Variants in SRBD1 observed in about 807,000 individuals in gnomAD.
SRBD1 encodes S1 RNA binding domain 1, also known as S1 RNA-binding domain-containing protein 1.
Under a neutral mutation model 115.3 loss-of-function variants are expected in SRBD1, and 88 were observed. The observed-to-expected ratio is 0.76, with a 90% CI of 0.64 to 0.91. SRBD1 has a LOEUF of 0.91. SRBD1 is among the 40% of genes least tolerant of loss of function. The pLI is 0.00. For missense variants in SRBD1, 1,385 were observed against 1,177.4 expected (o/e 1.18, Z -2.58); for synonymous variants, 509 against 407.7 (o/e 1.25, Z -2.99).
At chr2:45,467,280 C>T (rs1669518807) in intron 16 of SRBD1, among the ~76,000 whole-genome samples, 1 of 152,182 alleles carries the variant, frequency 6.6e-6, no homozygotes. Context: ...CACCCCCAGA[C>T]CAATTAAACT....
chr2:45,506,927 T>C (rs1020415676), intron 14 of SRBD1, among the ~76,000 whole-genome samples: 2 of 152,210 alleles, frequency 1.3e-5, no homozygotes, highest in Non-Finnish European at 2.9e-5. Context: ...CTGTCTTTTT[T>C]CCCACACACT....
intron 16 of SRBD1, among the ~76,000 whole-genome samples, chr2:45,422,969 T>C (rs1668049847): frequency 6.6e-6 from 1 of 152,144 alleles, no homozygotes; most frequent in Admixed American, 6.5e-5. Flanking sequence ...GAAGTGTTGA[T>C]AGTGACAAAA....
chr2:45,609,352 T>A (rs1179259708), intron 1 of SRBD1, among the ~76,000 whole-genome samples: 1 of 152,192 alleles, frequency 6.6e-6, no homozygotes, highest in Non-Finnish European at 1.5e-5. Context: ...GTCTTGAATC[T>A]CCACGATCTT....
intron 16 of SRBD1, among the ~76,000 whole-genome samples, chr2:45,470,694 G>A (rs1446163254): frequency 6.6e-6 from 1 of 152,160 alleles, no homozygotes; most frequent in Non-Finnish European, 1.5e-5. Context: ...ACTCAACAGA[G>A]CCAAACCTGC....
intron 14 of SRBD1, among the ~76,000 whole-genome samples, chr2:45,525,014 G>T (rs1671398582): frequency 6.6e-6 from 1 of 151,864 alleles, no homozygotes; most frequent in South Asian, 2.1e-4. Flanking sequence ...ATTAGGACAG[G>T]GTTCTAAGAT....
At chr2:45,535,256 G>T (rs1425280727) in intron 14 of SRBD1, among the ~76,000 whole-genome samples, 1 of 151,864 alleles carries the variant, frequency 6.6e-6, no homozygotes, top group Non-Finnish European at 1.5e-5. Flanking sequence ...TGTCCATAAG[G>T]GTATTAAGAG....
At chr2:45,505,855 C>G (rs1670781198) in intron 14 of SRBD1, among the ~76,000 whole-genome samples, 1 of 152,166 alleles carries the variant, frequency 6.6e-6, no homozygotes, top group South Asian at 2.1e-4. Context: ...ACTGTTAGGT[C>G]AGACTTCTTT....
intron 19 of SRBD1, among the ~76,000 whole-genome samples, chr2:45,394,393 C>G (rs1031002561): frequency 6.6e-6 from 1 of 152,166 alleles, no homozygotes; most frequent in East Asian, 1.9e-4. Context: ...AGTTCCATTT[C>G]CTATGATTAA....
chr2:45,573,178 CA>C (rs772859735), intron 9 of SRBD1, 28 bp downstream of exon 9: 1 of 1,551,978 alleles, frequency 6.4e-7, no homozygotes, highest in Admixed American at 2.1e-5. Context: ...ATTACGAAAT[CA>C]GCATGCACAT....
In SRBD1 at chr2:45,605,408, C is replaced by T; in HGVS notation, c.34G>A (p.Val12Ile). The T allele has an allele frequency of 4.3e-6, 7 of 1,613,774 alleles. No homozygotes were observed. Among genetic ancestry groups the T allele is most frequent in the Non-Finnish European group, 5.9e-6 (7 of 1,179,976 alleles). Residue 12 changes from valine to isoleucine, a missense_variant, in exon 2 of 21, where the codon GTC becomes ATC. Val to Ile is a conservative substitution (Grantham distance 29). Coordinates refer to ENST00000263736, the MANE Select transcript of SRBD1 (RefSeq NM_018079.5). The part of the protein sequence containing the change: ...SSLPRRAKVQ[V>I]QDVVLKDEFS... The stretch of plus-strand genomic sequence containing the variant: ...TCATCTTTCAGTACCACATCCTGGA[C>T]CTGTACTTTCGCTCTTCTTGGCAAT...
chr2:45,439,995 C>T (rs1159952661), intron 16 of SRBD1, among the ~76,000 whole-genome samples: 3 of 152,098 alleles, frequency 2.0e-5, no homozygotes, highest in Non-Finnish European at 4.4e-5. Flanking sequence ...GATGTCTCAC[C>T]TCCTGACTCT....
intron 12 of SRBD1, among the ~76,000 whole-genome samples, chr2:45,549,937 G>A (rs1672244679): frequency 6.6e-6 from 1 of 151,428 alleles, no homozygotes; most frequent in African/African-American, 2.4e-5. Flanking sequence ...AGATAAACTG[G>A]GAATGAATTC....
chr2:45,442,675 C>T (rs921955350), intron 16 of SRBD1, among the ~76,000 whole-genome samples: 3 of 152,186 alleles, frequency 2.0e-5, no homozygotes, highest in Admixed American at 6.5e-5. Flanking sequence ...CTTATTCATT[C>T]TCAACCCATC....
chr2:45,572,670 T>C (rs1023793986), intron 9 of SRBD1, among the ~76,000 whole-genome samples: 1 of 152,152 alleles, frequency 6.6e-6, no homozygotes, highest in Non-Finnish European at 1.5e-5. Flanking sequence ...ACGCCAGTGT[T>C]ACTGTATTTT....
chr2:45,526,774 G>A (rs1345641178), intron 14 of SRBD1, among the ~76,000 whole-genome samples: 1 of 151,752 alleles, frequency 6.6e-6, no homozygotes, highest in East Asian at 1.9e-4. Context: ...ATATCAAAAT[G>A]AATGAATATA....
chr2:45,526,801 G>A (rs1671456313), intron 14 of SRBD1, among the ~76,000 whole-genome samples: 1 of 151,638 alleles, frequency 6.6e-6, no homozygotes. Flanking sequence ...TCTTAAGGAA[G>A]AAAAATCAAG....
intron 13 of SRBD1, 80 bp from the exon 14 acceptor site, chr2:45,546,919 A>C (rs1156352581): frequency 1.6e-6 from 2 of 1,267,674 alleles, no homozygotes; most frequent in South Asian, 1.2e-5. Context: ...CAGAATGCAC[A>C]AATACTATTA....
chr2:45,416,292 A>G (rs1374688247), intron 18 of SRBD1, among the ~76,000 whole-genome samples: 2 of 152,202 alleles, frequency 1.3e-5, no homozygotes, highest in African/African-American at 4.8e-5. Flanking sequence ...CATATACAGT[A>G]ACATTGCTAG....
Position 45,491,793 on chromosome 2 carries a change from C to T in SRBD1, c.1875-3462G>A, listed in dbSNP as rs532010497. ...TCACTTTCAAATTTTTTAACAAAAACCCTATTGAGTTAAAAATGCTGCTTT... is the reference window on the plus strand; with the variant it reads ...TCACTTTCAAATTTTTTAACAAAAATCCTATTGAGTTAAAAATGCTGCTTT... On this transcript the variant is annotated intron_variant, in intron 14 of 20. Transcript: ENST00000263736. 2.9e-3 allele frequency among the ~76,000 whole-genome samples: 448 copies of T among 152,180 alleles called. 4 individuals carry two copies. The highest frequency in any genetic ancestry group is 5.0e-3 in the Non-Finnish European group (342 of 67,994).
Sources: gnomAD v4.1 joint callset for allele counts (sites outside exome capture counted in the v4.1 genomes callset) on GRCh38, gnomAD v4.1.1 for gene constraint, MANE v1.5 for transcripts, NCBI Gene and HGNC (gene_info 2026-07-23, HGNC 2026-07-21) for gene names.